HSD17B12: variants seen among roughly 807,000 people sequenced by gnomAD.
The protein encoded by HSD17B12 is hydroxysteroid 17-beta dehydrogenase 12, also known as very-long-chain 3-oxoacyl-CoA reductase.
Under a neutral mutation model 39.3 loss-of-function variants are expected in HSD17B12, and 32 were observed. The observed-to-expected ratio is 0.81, with a 90% CI of 0.61 to 1.09. The LOEUF (loss-of-function observed/expected upper bound fraction) is 1.09. Among genes scored for constraint, HSD17B12 ranks in the 50% least tolerant of loss-of-function variants. The probability of loss-of-function intolerance (pLI) is 0.00; values close to 1 mark genes in which losing one functional copy is unlikely to be tolerated. For missense variants in HSD17B12, 342 were observed against 382.9 expected (o/e 0.89, Z 0.89); for synonymous variants, 150 against 146.7 (o/e 1.02, Z -0.16).
chr11:43,813,133 G>T (rs544752009), intron 4 of HSD17B12, among the ~76,000 whole-genome samples: 5 of 152,190 alleles, frequency 3.3e-5, no homozygotes, highest in Non-Finnish European at 5.9e-5. Context: ...GAGCCACCAC[G>T]CCTGGCAACT....
chr11:43,698,636 C>A (rs1475510821), intron 1 of HSD17B12, among the ~76,000 whole-genome samples: 2 of 152,160 alleles, frequency 1.3e-5, no homozygotes, highest in African/African-American at 4.8e-5. Flanking sequence ...ATCAGCTATT[C>A]TGTTTTTTTC....
At chr11:43,706,436 T>G (rs7951000) in intron 1 of HSD17B12, among the ~76,000 whole-genome samples, 147,723 of 152,192 alleles carry the variant, frequency 0.97, 71,845 homozygotes, top group Middle Eastern at 1. Flanking sequence ...CCAGCTACTT[T>G]GGAGGCTGAG....
In HSD17B12 at chr11:43,831,038, T is replaced by A; in HGVS notation, c.536+28T>A. ...GAGTCACAAGCTCACATACAAACAC[T>A]GTGGAAGCAGAGCTCATGATTATTT... On this transcript the variant is annotated intron_variant, in intron 7 of 10. Transcript: ENST00000278353. The surrounding 1 kb of genome is among the most constrained non-coding windows in gnomAD (Gnocchi z 4.1). 3.1e-6 allele frequency: 5 copies of A among 1,593,166 alleles called. No individual in the cohort carries two copies. The highest frequency in any genetic ancestry group is 4.3e-6 in the Non-Finnish European group (5 of 1,167,658).
At chr11:43,847,962 GT>G (rs2135142580) in intron 9 of HSD17B12, among the ~76,000 whole-genome samples, 1 of 152,212 alleles carries the variant, frequency 6.6e-6, no homozygotes, top group South Asian at 2.1e-4. Context: ...TTGTATTTTT[GT>G]TACAGTATTT....
At chr11:43,610,351 G>A in the HSD17B12 span, among the ~76,000 whole-genome samples, 1 of 152,152 alleles carries the variant, frequency 6.6e-6, no homozygotes, top group African/African-American at 2.4e-5. Context: ...AATAAGGCAG[G>A]GTGGTGAGCA....
intron 1 of HSD17B12, among the ~76,000 whole-genome samples, chr11:43,719,400 G>T (rs1261319353): frequency 6.6e-6 from 1 of 152,178 alleles, no homozygotes; most frequent in Non-Finnish European, 1.5e-5. Context: ...CTCCATGGTT[G>T]AGGGTAACAA....
In HSD17B12 at chr11:43,754,006, A is replaced by T. The variant is rs763958260; in HGVS notation, c.208-40A>T. The stretch of plus-strand genomic sequence containing the variant: ...TATAGCTCATTAATGTTTTTCAGTG[A>T]CATGCACAGGTGTGATTCAAATCTC... On this transcript the variant is annotated intron_variant, in intron 2 of 10. Transcript: ENST00000278353. 4.2e-5 allele frequency: 56 copies of T among 1,341,248 alleles called. No individual in the cohort carries two copies. In the South Asian group the frequency reaches 6.8e-4, roughly 16 times the overall value. 83.1% of individuals were successfully genotyped at this position (1,341,248 alleles called of 1,614,324 possible).
intron 1 of HSD17B12, among the ~76,000 whole-genome samples, chr11:43,725,006 C>T (rs1286881584): frequency 6.6e-6 from 1 of 152,106 alleles, no homozygotes; most frequent in Non-Finnish European, 1.5e-5. Context: ...TACTGAGTAG[C>T]TACTTGAGGG....
chr11:43,641,919 G>T, the HSD17B12 span, among the ~76,000 whole-genome samples: 1 of 151,948 alleles, frequency 6.6e-6, no homozygotes, highest in African/African-American at 2.4e-5. Context: ...AGTAGTTTCA[G>T]AAATTATAGA....
At chr11:43,611,695 T>C in the HSD17B12 span, among the ~76,000 whole-genome samples, 3 of 152,216 alleles carry the variant, frequency 2.0e-5, no homozygotes, top group African/African-American at 4.8e-5. Flanking sequence ...CCAGTTGCCT[T>C]TGTTGTCAAG....
chr11:43,587,923 G>T, the HSD17B12 span, among the ~76,000 whole-genome samples: 1 of 152,200 alleles, frequency 6.6e-6, no homozygotes, highest in Non-Finnish European at 1.5e-5. Flanking sequence ...GCCCTGTTGG[G>T]TTGGTAGACT....
the HSD17B12 span, among the ~76,000 whole-genome samples, chr11:43,634,081 A>C: frequency 2.5e-5 from 1 of 40,232 alleles, no homozygotes; most frequent in African/African-American, 1.1e-4. Context: ...ATCTCAAAAA[A>C]AAAAAAAAAA....
intron 4 of HSD17B12, among the ~76,000 whole-genome samples, chr11:43,802,046 C>T (rs549098521): frequency 3.8e-4 from 58 of 151,766 alleles, no homozygotes; most frequent in Middle Eastern, 6.8e-3. Flanking sequence ...AGTGCAGTGG[C>T]GCGATCTCTG....
intron 1 of HSD17B12, among the ~76,000 whole-genome samples, chr11:43,710,721 A>G (rs1159343116): frequency 6.6e-6 from 1 of 152,166 alleles, no homozygotes; most frequent in Non-Finnish European, 1.5e-5. Context: ...TGGGGTTTTA[A>G]TCCAGTATTT....
Position 43,854,700 on chromosome 11 carries a change from G to GT in HSD17B12, c.685-14dup. Reference sequence around the variant, plus strand: ...ATCAATGGCATGTTTTCTGGGGTGGGTGTTCCCTTTCTAGAGTGTCCTGCC... The same window carrying GT: ...ATCAATGGCATGTTTTCTGGGGTGGGTTGTTCCCTTTCTAGAGTGTCCTGCC... On this transcript the variant is annotated splice_polypyrimidine_tract_variant and intron_variant, in intron 9 of 10. Coordinates refer to ENST00000278353, the MANE Select transcript of HSD17B12 (RefSeq NM_016142.3). The GT allele has an allele frequency of 6.2e-7, 1 of 1,612,630 alleles. No individual in the cohort carries two copies. The highest frequency in any genetic ancestry group is 1.3e-5 in the African/African-American group (1 of 75,002).
chr11:43,774,129 G>A (rs1030164378), intron 3 of HSD17B12, among the ~76,000 whole-genome samples: 3 of 152,094 alleles, frequency 2.0e-5, no homozygotes, highest in African/African-American at 7.2e-5. Flanking sequence ...CTGTTACTAC[G>A]CTGTAGGGCA....
In HSD17B12 at chr11:43,694,295, C is replaced by T. The variant is rs559035457; in HGVS notation, c.160+13308C>T. Among the ~76,000 whole-genome samples, 71 of 152,142 alleles carry T rather than the reference C, an allele frequency of 4.7e-4. 2 individuals are homozygous for T. The South Asian group carries it at 0.014, about 30-fold the overall frequency. On this transcript the variant is annotated intron_variant, in intron 1 of 10. Transcript: ENST00000278353. ...AATCTAGGTTTTCTGACTCTAGGCT[C>T]CATGTTCTTTCTAATTTACTGCCAA...
the HSD17B12 span, among the ~76,000 whole-genome samples, chr11:43,557,150 T>A: frequency 5.3e-5 from 8 of 152,326 alleles, no homozygotes; most frequent in East Asian, 1.5e-3. Context: ...GTGTGGTTTT[T>A]GCAGGAGGCA....
chr11:43,640,627 C>T, the HSD17B12 span, among the ~76,000 whole-genome samples: 7 of 151,466 alleles, frequency 4.6e-5, no homozygotes, highest in East Asian at 1.9e-4. Context: ...AGAATTGTTA[C>T]GTATTAGGAA....
Sources: gnomAD v4.1 joint callset for allele counts (sites outside exome capture counted in the v4.1 genomes callset) on GRCh38, gnomAD v4.1.1 for gene constraint, Gnocchi (gnomAD v3.1) non-coding constraint, MANE v1.5 for transcripts, NCBI Gene and HGNC (gene_info 2026-07-23, HGNC 2026-07-21) for gene names.